Variants in LCOR observed in about 807,000 individuals in gnomAD.
The protein encoded by LCOR is ligand dependent nuclear receptor corepressor.
A neutral mutation model predicts 64.4 loss-of-function variants in LCOR; 14 were observed. The observed-to-expected ratio is 0.22, with a 90% CI of 0.14 to 0.34. The LOEUF is 0.34. LCOR is among the 10% of genes least tolerant of loss of function. LCOR has a pLI of 1.00. For synonymous variants in LCOR, 643 were observed against 642.5 expected (o/e 1.00, Z -0.01); for missense variants, 1,686 against 1,765.3 (o/e 0.96, Z 0.80).
rs1393381317 is a variant in LCOR, at chr10:96,989,506, CT to C, written c.*4376del. 6.6e-6 allele frequency: 1 copy of C among 151,654 alleles called. No individual in the cohort carries two copies. The allele number at this position is 151,654 out of a possible 1,614,324, so 9.4% of individuals were successfully genotyped here. A position where few individuals can be genotyped will look rare whatever the true frequency, so the allele number is the denominator to read the frequency against. ...TTATATAATATTTTGGTACTGATAC[CT>C]TTTCAGCCACATACTTTCAAAATAA... is the stretch of plus-strand genomic sequence containing the variant. On this transcript the variant is annotated 3_prime_UTR_variant, in exon 8 of 8. Coordinates refer to ENST00000421806, the MANE Select transcript of LCOR (RefSeq NM_001346516.2).
intron 2 of LCOR, among the ~76,000 whole-genome samples, chr10:96,906,325 G>A (rs574310872): frequency 1.3e-5 from 2 of 152,156 alleles, no homozygotes; most frequent in Non-Finnish European, 2.9e-5. Context: ...GAGTGCATAT[G>A]GATTCATAGA....
At chr10:96,972,096 G>C (rs1201329946) in intron 7 of LCOR, among the ~76,000 whole-genome samples, 1 of 151,788 alleles carries the variant, frequency 6.6e-6, no homozygotes, top group Non-Finnish European at 1.5e-5. Context: ...CAGAGAGGAT[G>C]ATAAATATAA....
At chr10:96,939,511 A>G (rs1847410659) in intron 4 of LCOR, among the ~76,000 whole-genome samples, 1 of 152,234 alleles carries the variant, frequency 6.6e-6, no homozygotes, top group African/African-American at 2.4e-5. Context: ...TAAAGCTTTC[A>G]TGCTGCTAAC....
intron 2 of LCOR, among the ~76,000 whole-genome samples, chr10:96,842,220 C>T (rs981589855): frequency 3.9e-5 from 6 of 151,928 alleles, no homozygotes; most frequent in African/African-American, 1.2e-4. Context: ...ATGGTGAAAC[C>T]CCCATCTTTA....
intron 7 of LCOR, chr10:96,955,142 C>T: frequency 1.9e-6 from 3 of 1,614,138 alleles, no homozygotes; most frequent in Non-Finnish European, 2.5e-6. Flanking sequence ...CAGCTGCCAG[C>T]CTTGGGCCAT....
intron 6 of LCOR, 138 bp downstream of exon 6, chr10:96,949,433 A>C: frequency 1.2e-6 from 1 of 816,296 alleles, no homozygotes; most frequent in Non-Finnish European, 2.0e-6. Context: ...ATTTCTTACT[A>C]TGCAGTGATG....
chr10:96,930,707 ATTAAGAGGTGGGGCCTT>A (rs1391636159), intron 4 of LCOR, among the ~76,000 whole-genome samples: 1 of 152,200 alleles, frequency 6.6e-6, no homozygotes, highest in Non-Finnish European at 1.5e-5. Flanking sequence ...ATGTGATAGT[ATTAAGAGGTGGGGCCTT>A]TTAAGAGGTG....
intron 5 of LCOR, among the ~76,000 whole-genome samples, chr10:96,948,181 C>G (rs1036449002): frequency 1.3e-5 from 2 of 152,160 alleles, no homozygotes; most frequent in South Asian, 2.1e-4. Flanking sequence ...TTAAACTTAA[C>G]ATTGACTAGA....
chr10:96,900,544 C>T (rs538074653), intron 2 of LCOR, among the ~76,000 whole-genome samples: 1 of 151,804 alleles, frequency 6.6e-6, no homozygotes, highest in South Asian at 2.1e-4. Context: ...AAAAAAGAAA[C>T]TGATAGGATC....
rs1226333222 is a variant in LCOR, at chr10:96,983,428, G to A, written c.2968G>A (p.Ala990Thr). The A allele has an allele frequency of 6.2e-7, 1 of 1,614,098 alleles. No homozygotes were observed. The highest frequency in any genetic ancestry group is 8.5e-7 in the Non-Finnish European group (1 of 1,180,060). Residue 990 changes from alanine to threonine, a missense_variant, in exon 8 of 8, where the codon GCT (alanine) becomes ACT (threonine). Physicochemically the swap from Ala to Thr is moderately conservative, Grantham distance 58. Transcript: ENST00000421806. The surrounding 1 kb of genome is among the most constrained non-coding windows in gnomAD (Gnocchi z 4.5). ...GHIPTQHVEE[A>T]VNEVDNENTQ... ...TATTCCCACACAGCATGTGGAGGAG[G>A]CTGTGAATGAGGTAGACAACGAAAA...
Position 96,982,409 on chromosome 10 carries a change from A to G in LCOR, c.1949A>G (p.Asn650Ser), listed in dbSNP as rs774710171. ...TASGMSSPEH[N>S]QPPVALLDTE... is the part of the protein sequence containing the mutation. ...AGTGGGATGTCTTCTCCTGAACACA[A>G]CCAACCACCAGTTGCACTGTTGGAT... is the stretch of plus-strand genomic sequence containing the variant. Residue 650 changes from asparagine to serine, a missense_variant, in exon 8 of 8, where the codon AAC becomes AGC. This residue lies in a region of LCOR where 1,293 missense variants were observed against 1,410.4 expected (regional missense o/e 0.92). Coordinates refer to ENST00000421806, the MANE Select transcript of LCOR (RefSeq NM_001346516.2). 20 of 1,614,064 alleles carry G rather than the reference A, an allele frequency of 1.2e-5. No individual in the cohort carries two copies. Among genetic ancestry groups the G allele is most frequent in the Admixed American group, 5.0e-5 (3 of 60,006 alleles).
chr10:96,833,331 G>A, intron 1 of LCOR, 75 bp from the exon 2 acceptor site: 1 of 960,362 alleles, frequency 1.0e-6, no homozygotes, highest in East Asian at 1.2e-4. Context: ...GCGCGGACGG[G>A]GGCGCCCCGG....
At chr10:96,857,021 T>TG (rs1845816575) in intron 2 of LCOR, among the ~76,000 whole-genome samples, 1 of 152,122 alleles carries the variant, frequency 6.6e-6, no homozygotes, top group Non-Finnish European at 1.5e-5. Flanking sequence ...GCCATTCTCT[T>TG]ACTCTTTTTT....
At chr10:96,881,184 G>A (rs1417204651) in intron 2 of LCOR, among the ~76,000 whole-genome samples, 4 of 152,154 alleles carry the variant, frequency 2.6e-5, no homozygotes, top group African/African-American at 7.2e-5. Flanking sequence ...AGGAGAGTAC[G>A]TAGATTTGAA....
chr10:96,846,190 C>T (rs779496210), intron 2 of LCOR, among the ~76,000 whole-genome samples: 7 of 151,932 alleles, frequency 4.6e-5, no homozygotes, highest in Admixed American at 6.6e-5. Context: ...CTGGACTACA[C>T]AGCAAGACTC....
rs368361834 is a variant in LCOR, at chr10:96,955,228, A to G, written c.332+3032A>G. On this transcript the variant is annotated intron_variant, in intron 7 of 7. Coordinates refer to ENST00000421806, the MANE Select transcript of LCOR (RefSeq NM_001346516.2). Reference sequence around the variant, plus strand: ...TGGGCAAAACCACATTACGAGTTCAACCTCAGCCGTATGAAGTTCAGGGGA... The same window carrying G: ...TGGGCAAAACCACATTACGAGTTCAGCCTCAGCCGTATGAAGTTCAGGGGA... 3.7e-6 allele frequency: 6 copies of G among 1,614,020 alleles called. No individual in the cohort carries two copies. The Admixed American group carries it at 5.0e-5, about 13-fold the overall frequency.
chr10:96,835,992 C>T (rs1478062819), intron 2 of LCOR, among the ~76,000 whole-genome samples: 1 of 152,150 alleles, frequency 6.6e-6, no homozygotes, highest in East Asian at 1.9e-4. Context: ...ATGATGTAAC[C>T]TTTTGCTTTC....
chr10:96,975,082 A>T (rs1848026873), intron 7 of LCOR, among the ~76,000 whole-genome samples: 1 of 152,236 alleles, frequency 6.6e-6, no homozygotes, highest in African/African-American at 2.4e-5. Flanking sequence ...GAGGCCCAAG[A>T]ATTGCTTGAA....
At chr10:96,967,677 C>T (rs539720921) in intron 7 of LCOR, among the ~76,000 whole-genome samples, 1 of 152,072 alleles carries the variant, frequency 6.6e-6, no homozygotes, top group African/African-American at 2.4e-5. Context: ...TCTCGTAAAC[C>T]CAGGTCTCAC....
Sources: allele counts gnomAD v4.1 joint callset (sites outside exome capture counted in the v4.1 genomes callset), GRCh38; gene constraint gnomAD v4.1.1; regional missense constraint gnomAD v4.1.1; non-coding constraint Gnocchi (gnomAD v3.1); transcripts MANE v1.5; gene names NCBI Gene and HGNC (gene_info 2026-07-23, HGNC 2026-07-21).